The following TOP3A variants were observed in gnomAD, a reference collection of about 807,000 sequenced individuals.
TOP3A encodes DNA topoisomerase 3-alpha.
TOP3A carries 64 observed loss-of-function variants against 111.3 expected under a neutral mutation model. The ratio of observed to expected loss-of-function variants is 0.57; its 90% CI spans 0.47 to 0.71. The LOEUF (loss-of-function observed/expected upper bound fraction) is 0.71, where lower values mean the gene tolerates loss of function less well. Among genes scored for constraint, TOP3A ranks in the 30% least tolerant of loss-of-function variants. The probability of loss-of-function intolerance (pLI) is 0.00; values close to 1 mark genes in which losing one functional copy is unlikely to be tolerated. For missense variants in TOP3A, 1,104 were observed against 1,285.0 expected, an observed-to-expected ratio of 0.86 and a Z score of 2.15; for synonymous variants, 484 against 485.1, an observed-to-expected ratio of 1.00 and a Z score of 0.03.
chr17:18,288,790 C>A lies in TOP3A; in HGVS notation c.1597+1767G>T, dbSNP rs1980285594. Among the ~76,000 whole-genome samples, 11 of 152,222 alleles carry A rather than the reference C, an allele frequency of 7.2e-5. No individual in the cohort carries two copies. In the South Asian group the frequency reaches 2.3e-3, roughly 31 times the overall value. On this transcript the variant is annotated intron_variant, in intron 13 of 18. Coordinates refer to ENST00000321105, the MANE Select transcript of TOP3A (RefSeq NM_004618.5). ...CCACCCATCACATTTTCTTCCCTGC[C>A]TACTCCCTGCAGAACTATTACATTG...
chr17:18,314,694 C>A lies in TOP3A; in HGVS notation c.85G>T (p.Ala29Ser). The change falls in exon 1 of 19, where the codon GCC becomes TCC. Residue 29 changes from alanine to serine, a missense_variant. Ala to Ser is a moderately conservative substitution (Grantham distance 99). Coordinates refer to ENST00000321105, the MANE Select transcript of TOP3A (RefSeq NM_004618.5). Reference sequence around the variant, plus strand: ...AGGACTTTCCGCACGCCTCGGAGGGCCATCTCCATGGCGGCGCGGGAAAAG... The same window carrying A: ...AGGACTTTCCGCACGCCTCGGAGGGACATCTCCATGGCGGCGCGGGAAAAG... ...RAFSRAAMEMALRGVRKVLCV... is the reference protein window; with the variant it reads ...RAFSRAAMEMSLRGVRKVLCV... The A allele has an allele frequency of 6.2e-7, 1 of 1,611,692 alleles. No individual in the cohort carries two copies. The highest frequency in any genetic ancestry group is 8.5e-7 in the Non-Finnish European group (1 of 1,179,010).
intron 13 of TOP3A, among the ~76,000 whole-genome samples, chr17:18,287,274 C>CT (rs1352401622): frequency 6.6e-6 from 1 of 152,080 alleles, no homozygotes; most frequent in Non-Finnish European, 1.5e-5. Flanking sequence ...TGGCTCAGGC[C>CT]TATAATCCCA....
Position 18,277,743 on chromosome 17 carries a change from T to C in TOP3A, c.2759A>G (p.His920Arg). Residue 920 changes from histidine to arginine, a missense_variant, in exon 18 of 19, where the codon CAC becomes CGC. Transcript: ENST00000321105. ...CTGCTCTCTCGGCTTGGCACATGTG[T>C]GGAACTGGCGCCCCTTGTTGGGTCC... ...KDGPNKGRQF[H>R]TCAKPREQQC... 6.2e-7 allele frequency: 1 copy of C among 1,614,166 alleles called. No individual in the cohort carries two copies. The highest frequency in any genetic ancestry group is 8.5e-7 in the Non-Finnish European group (1 of 1,180,000).
chr17:18,273,369 C>T lies in TOP3A; in HGVS notation c.*1433G>A, dbSNP rs1979118116. 6.6e-6 allele frequency: 1 copy of T among 152,248 alleles called. No homozygotes were observed. The allele number at this position is 152,248 out of a possible 1,614,324, so 9.4% of individuals were successfully genotyped here. A position where few individuals can be genotyped will look rare whatever the true frequency, so the allele number is the denominator to read the frequency against. Reference sequence around the variant, plus strand: ...AAGTGGAAGATGGAAAGTTAGTGATCTGAATCTGAACCTTTCATTAGACAT... The same window carrying T: ...AAGTGGAAGATGGAAAGTTAGTGATTTGAATCTGAACCTTTCATTAGACAT... On this transcript the variant is annotated 3_prime_UTR_variant, in exon 19 of 19. Coordinates refer to ENST00000321105, the MANE Select transcript of TOP3A (RefSeq NM_004618.5).
intron 1 of TOP3A, chr17:18,312,845 G>C (rs527745987): frequency 6.2e-6 from 1 of 161,676 alleles, no homozygotes; most frequent in East Asian, 1.8e-4. Context: ...AGCTGGGCAC[G>C]GTGGCTCACG....
intron 9 of TOP3A, among the ~76,000 whole-genome samples, chr17:18,295,751 G>A (rs896962329): frequency 1.8e-4 from 27 of 151,406 alleles, no homozygotes; most frequent in Non-Finnish European, 3.5e-4. Context: ...GAGCCACCGC[G>A]TCTGGCCCAG....
At chr17:18,305,541 TA>T (rs940063404) in intron 4 of TOP3A, among the ~76,000 whole-genome samples, 12 of 151,496 alleles carry the variant, frequency 7.9e-5, no homozygotes, top group African/African-American at 2.7e-4. Context: ...ATGACCTAGT[TA>T]AAAAAAACGA....
In TOP3A at chr17:18,277,891, G is replaced by C. The variant is rs374845608; in HGVS notation, c.2611C>G (p.Leu871Val). 136 of 1,613,834 alleles carry C rather than the reference G, an allele frequency of 8.4e-5. No homozygotes were observed. The highest frequency in any genetic ancestry group is 1.1e-4 in the Non-Finnish European group (135 of 1,179,984). Residue 871 changes from leucine to valine, a missense_variant, in exon 18 of 19, where the codon CTG becomes GTG. Leu to Val is a conservative substitution (Grantham distance 32). Transcript: ENST00000321105. ...ATCCCTGGGCCTGGTGGGCATCCCA[G>C]GGAGGCGCCCAGGGGTCTATATGCC... The part of the protein sequence containing the change: ...ALAYRPLGAS[L>V]GCPPGPGIHL...
At chr17:18,308,842 G>C in intron 2 of TOP3A, 40 bp downstream of exon 2, 1 of 1,349,664 alleles carries the variant, frequency 7.4e-7, no homozygotes, top group Non-Finnish European at 1.0e-6. Context: ...ACTTTCTCTT[G>C]CTTATGATTG....
intron 13 of TOP3A, among the ~76,000 whole-genome samples, chr17:18,290,262 TG>T (rs1461839866): frequency 2.0e-5 from 3 of 152,260 alleles, no homozygotes; most frequent in African/African-American, 7.2e-5. Context: ...ATGTGGCCAA[TG>T]GGTGCTCCCA....
intron 8 of TOP3A, 80 bp from the exon 9 acceptor site, chr17:18,299,713 T>A: frequency 7.5e-7 from 1 of 1,333,346 alleles, no homozygotes; most frequent in Non-Finnish European, 1.1e-6. Context: ...CCCATGCCAA[T>A]CCTTCTAGAT....
In TOP3A at chr17:18,290,716, A is replaced by G. The variant is rs138655779; in HGVS notation, c.1468-30T>C. 2,617 of 1,581,596 alleles carry G rather than the reference A, an allele frequency of 1.7e-3. 7 individuals carry two copies. Among genetic ancestry groups the G allele is most frequent in the Middle Eastern group, 8.1e-3 (48 of 5,914 alleles). On this transcript the variant is annotated intron_variant, in intron 12 of 18. Coordinates refer to ENST00000321105, the MANE Select transcript of TOP3A (RefSeq NM_004618.5). ...AGGGAGCGGCAGGTGCAACAGTCAGATGATTCCATCAGCACACTCAGGCAA... is the reference window on the plus strand; with the variant it reads ...AGGGAGCGGCAGGTGCAACAGTCAGGTGATTCCATCAGCACACTCAGGCAA...
chr17:18,296,430 A>C (rs138068277), intron 9 of TOP3A, among the ~76,000 whole-genome samples: 156 of 152,172 alleles, frequency 1.0e-3, no homozygotes, highest in African/African-American at 3.6e-3. Context: ...AAATACAAAA[A>C]TTAGCTGGGT....
chr17:18,311,204 G>A (rs1259565594), intron 1 of TOP3A, among the ~76,000 whole-genome samples: 2 of 151,980 alleles, frequency 1.3e-5, no homozygotes, highest in Admixed American at 1.3e-4. Context: ...GTTTCACCGT[G>A]TTAGCCAGGA....
At chr17:18,308,755 A>G (rs1042854246) in intron 2 of TOP3A, 127 bp downstream of exon 2, 1 of 565,282 alleles carries the variant, frequency 1.8e-6, no homozygotes, top group Non-Finnish European at 3.0e-6. Flanking sequence ...TGATCACCCC[A>G]TATCCAGGAA....
At position 18,292,002 on chromosome 17, in the gene TOP3A, G is replaced by A. The variant is rs543169619; in HGVS notation, c.1281+643C>T. ...GTTGGGATTACAAGCATAAGCCACC[G>A]CGTCCGGCCATATTTTTAAAATCAG... On this transcript the variant is annotated intron_variant, in intron 11 of 18. Transcript: ENST00000321105. 5.3e-5 allele frequency among the ~76,000 whole-genome samples: 8 copies of A among 152,256 alleles called. No individual in the cohort carries two copies. In the South Asian group the frequency reaches 1.5e-3, roughly 28 times the overall value.
chr17:18,301,027 T>C (rs1567747896), intron 8 of TOP3A, among the ~76,000 whole-genome samples: 1 of 152,210 alleles, frequency 6.6e-6, no homozygotes, highest in Non-Finnish European at 1.5e-5. Flanking sequence ...AAACAACACA[T>C]AACGAAGTGT....
intron 1 of TOP3A, among the ~76,000 whole-genome samples, 164 bp from the exon 2 acceptor site, chr17:18,309,105 G>GA (rs796963043): frequency 1.3e-5 from 2 of 152,230 alleles, no homozygotes; most frequent in African/African-American, 4.8e-5. Context: ...ACAAGCATAT[G>GA]AAAAGATGCT....
rs376039403 is a variant in TOP3A, at chr17:18,274,774, A to C, written c.*28T>G. The C allele has an allele frequency of 2.5e-6, 4 of 1,598,062 alleles. No individual in the cohort carries two copies. The African/African-American group carries it at 5.4e-5, about 22-fold the overall frequency. On this transcript the variant is annotated 3_prime_UTR_variant, in exon 19 of 19. Coordinates refer to ENST00000321105, the MANE Select transcript of TOP3A (RefSeq NM_004618.5). ...AAACACAAAGGGGACAGGTCTGAGA[A>C]AGTGGCGTTCTCTACCCTACCCTGA...
Sources: allele counts gnomAD v4.1 joint callset (sites outside exome capture counted in the v4.1 genomes callset), GRCh38; gene constraint gnomAD v4.1.1; transcripts MANE v1.5; gene names NCBI Gene and HGNC (gene_info 2026-07-23, HGNC 2026-07-21).